PTPRG: variants seen among roughly 807,000 people sequenced by gnomAD.
The protein encoded by PTPRG is protein tyrosine phosphatase receptor type G, also known as receptor-type tyrosine-protein phosphatase gamma.
In PTPRG, 102 loss-of-function variants were observed where a neutral mutation model predicts 165.3. The observed-to-expected ratio is 0.62, with a 90% CI of 0.53 to 0.73. The LOEUF (loss-of-function observed/expected upper bound fraction) is 0.73, where lower values mean the gene tolerates loss of function less well. Ranked by LOEUF, PTPRG falls within the 30% of genes least tolerant of loss-of-function variation. The probability of loss-of-function intolerance (pLI) is 0.00; values close to 1 mark genes in which losing one functional copy is unlikely to be tolerated. For synonymous variants in PTPRG, 675 were observed against 669.5 expected (o/e 1.01, Z -0.13); for missense variants, 1,866 against 1,861.4 (o/e 1.00, Z -0.05).
At chr3:61,565,587 G>A (rs1212135428) in intron 1 of PTPRG, among the ~76,000 whole-genome samples, 1 of 151,514 alleles carries the variant, frequency 6.6e-6, no homozygotes, top group Non-Finnish European at 1.5e-5. Context: ...CTTTTATCTA[G>A]TTTACATTCT....
At chr3:62,137,891 T>C (rs1267583147) in intron 6 of PTPRG, among the ~76,000 whole-genome samples, 1 of 152,224 alleles carries the variant, frequency 6.6e-6, no homozygotes, top group Non-Finnish European at 1.5e-5. Flanking sequence ...TCGAGCTTTT[T>C]TACTGTTCCA....
intron 15 of PTPRG, among the ~76,000 whole-genome samples, chr3:62,253,517 C>T (rs557374138): frequency 3.3e-5 from 5 of 152,302 alleles, no homozygotes; most frequent in South Asian, 2.1e-4. Flanking sequence ...CAGCTTTGTA[C>T]ATAGTAACCC....
chr3:62,194,977 C>G, intron 9 of PTPRG, 85 bp from the exon 10 acceptor site: 3 of 1,284,632 alleles, frequency 2.3e-6, no homozygotes, highest in Non-Finnish European at 3.4e-6. Flanking sequence ...CAGGCATTGT[C>G]ACGGCACTCA....
chr3:61,856,342 A>T (rs2107383788), intron 2 of PTPRG, among the ~76,000 whole-genome samples: 1 of 152,218 alleles, frequency 6.6e-6, no homozygotes, highest in Admixed American at 6.5e-5. Context: ...CCACTGATCT[A>T]CTTTCTAAGA....
chr3:61,857,861 A>G (rs2037156429), intron 2 of PTPRG, among the ~76,000 whole-genome samples: 1 of 152,104 alleles, frequency 6.6e-6, no homozygotes, highest in Admixed American at 6.6e-5. Context: ...TCTCAGCATT[A>G]TGGACATTGG....
At chr3:62,024,231 A>G (rs2041759850) in intron 4 of PTPRG, among the ~76,000 whole-genome samples, 1 of 152,180 alleles carries the variant, frequency 6.6e-6, no homozygotes, top group African/African-American at 2.4e-5. Flanking sequence ...TTCACTTCCA[A>G]GTCCTTTTTG....
chr3:61,915,164 G>T (rs976979852), intron 2 of PTPRG, among the ~76,000 whole-genome samples: 1 of 152,214 alleles, frequency 6.6e-6, no homozygotes, highest in African/African-American at 2.4e-5. Flanking sequence ...AGGTGGCGGA[G>T]GTTGCAGTAG....
At chr3:61,736,135 T>C (rs1430802891) in intron 1 of PTPRG, among the ~76,000 whole-genome samples, 1 of 151,988 alleles carries the variant, frequency 6.6e-6, no homozygotes, top group Non-Finnish European at 1.5e-5. Flanking sequence ...CTCAAACTCC[T>C]GAGCTCAGGC....
At chr3:62,194,180 G>A (rs146217423) in intron 9 of PTPRG, among the ~76,000 whole-genome samples, 1,769 of 152,308 alleles carry the variant, frequency 0.012, 37 homozygotes, top group African/African-American at 0.039. Flanking sequence ...ACAAATGGCC[G>A]TGGCTGTGCC....
In PTPRG at chr3:62,014,846, A is replaced by G. The variant is rs113546284; in HGVS notation, c.519+11349A>G. On this transcript the variant is annotated intron_variant, in intron 4 of 29. Transcript: ENST00000474889. ...ACCCATCGAAAAAGATGGCCCCAGCATATTTTCTGGATTCATCTTATTCTA... is the reference window on the plus strand; with the variant it reads ...ACCCATCGAAAAAGATGGCCCCAGCGTATTTTCTGGATTCATCTTATTCTA... Among the ~76,000 whole-genome samples the G allele has an allele frequency of 4.4e-3, 671 of 152,362 alleles. 5 individuals carry two copies. Among genetic ancestry groups the G allele is most frequent in the Middle Eastern group, 0.01 (3 of 294 alleles).
chr3:61,587,650 CTTATT>C (rs1244803995), intron 1 of PTPRG, among the ~76,000 whole-genome samples: 10 of 151,898 alleles, frequency 6.6e-5, no homozygotes, highest in African/African-American at 9.7e-5. Flanking sequence ...TTCATTTTAT[CTTATT>C]TTATTTTATT....
Position 62,218,753 on chromosome 3 carries a change from G to A in PTPRG, c.2156-98G>A, listed in dbSNP as rs182133521. The A allele has an allele frequency of 5.0e-4, 719 of 1,452,276 alleles. 2 individuals carry two copies. In the African/African-American group the frequency reaches 7.5e-3, roughly 15 times the overall value. The allele number at this position is 1,452,276 out of a possible 1,614,324, so 90.0% of individuals were successfully genotyped here. On this transcript the variant is annotated intron_variant, in intron 12 of 29. Transcript: ENST00000474889. ...CAGCTCAGAGCAAATGGCCCAGTTC[G>A]CCAGAAACCACACAAAACTGGAACA...
chr3:61,587,323 G>C (rs939987463), intron 1 of PTPRG, among the ~76,000 whole-genome samples: 1 of 152,112 alleles, frequency 6.6e-6, no homozygotes, highest in Non-Finnish European at 1.5e-5. Context: ...CCCCTTCTCA[G>C]GTTCTCCAAA....
At chr3:61,876,147 A>G (rs947081654) in intron 2 of PTPRG, among the ~76,000 whole-genome samples, 2 of 152,236 alleles carry the variant, frequency 1.3e-5, no homozygotes, top group African/African-American at 4.8e-5. Flanking sequence ...ATTCTTGACA[A>G]AAATGCATAA....
In PTPRG at chr3:62,271,809, G is replaced by T. The variant is rs536744242; in HGVS notation, c.3182+254G>T. On this transcript the variant is annotated intron_variant, in intron 21 of 29. Transcript: ENST00000474889. The surrounding 1 kb of genome is among the most constrained non-coding windows in gnomAD (Gnocchi z 4.1). ...TAAAATCTTCTTATTAATAATATCA[G>T]CCAGGCATGGAGGCCAACTCCTGTA... Among the ~76,000 whole-genome samples, 1 of 152,202 alleles carries T rather than the reference G, an allele frequency of 6.6e-6. No homozygotes were observed. Among genetic ancestry groups the T allele is most frequent in the East Asian group, 1.9e-4 (1 of 5,188 alleles).
intron 1 of PTPRG, among the ~76,000 whole-genome samples, chr3:61,563,302 G>C (rs1007070955): frequency 6.6e-6 from 1 of 152,152 alleles, no homozygotes; most frequent in Non-Finnish European, 1.5e-5. Context: ...GCCAGGTTAA[G>C]ACAGGAACAA....
intron 1 of PTPRG, among the ~76,000 whole-genome samples, chr3:61,738,534 ACTGCTGGATGAAT>A (rs1279885967): frequency 6.7e-6 from 1 of 149,972 alleles, no homozygotes; most frequent in Admixed American, 6.7e-5. Context: ...CTGACAAATA[ACTGCTGGATGAAT>A]CTGCTTTTTT....
chr3:61,689,908 T>C (rs1575591320), intron 1 of PTPRG, among the ~76,000 whole-genome samples: 1 of 152,310 alleles, frequency 6.6e-6, no homozygotes, highest in East Asian at 1.9e-4. Context: ...AAATCTCAGT[T>C]TGTGTTCTGA....
At chr3:62,053,290 G>A (rs1453390128) in intron 4 of PTPRG, among the ~76,000 whole-genome samples, 3 of 133,906 alleles carry the variant, frequency 2.2e-5, no homozygotes, top group African/African-American at 5.5e-5. Flanking sequence ...TTTTGGAGAC[G>A]GAGTCTCTTT....
Sources: gnomAD v4.1 joint callset for allele counts (sites outside exome capture counted in the v4.1 genomes callset) on GRCh38, gnomAD v4.1.1 for gene constraint, Gnocchi (gnomAD v3.1) non-coding constraint, MANE v1.5 for transcripts, NCBI Gene and HGNC (gene_info 2026-07-23, HGNC 2026-07-21) for gene names.